CNTRL: variants seen among roughly 807,000 people sequenced by gnomAD.
CNTRL encodes the protein centriolin.
Under a neutral mutation model 303.7 loss-of-function variants are expected in CNTRL, and 233 were observed. The observed-to-expected ratio is 0.77, with a 90% CI of 0.69 to 0.86. The LOEUF (loss-of-function observed/expected upper bound fraction) is 0.86, where lower values mean the gene tolerates loss of function less well. CNTRL is among the 40% of genes least tolerant of loss of function. The pLI, the probability that CNTRL is intolerant of heterozygous loss-of-function variation, is 0.00. For synonymous variants in CNTRL, 900 were observed against 922.2 expected (o/e 0.98, Z 0.44); for missense variants, 2,524 against 2,650.6 (o/e 0.95, Z 1.05).
intron 6 of CNTRL, 61 bp from the exon 7 acceptor site, chr9:121,098,325 C>G: frequency 7.9e-7 from 1 of 1,265,060 alleles, no homozygotes; most frequent in Non-Finnish European, 1.1e-6. Context: ...TTGTAACTTC[C>G]TTTAAGTATG....
intron 7 of CNTRL, among the ~76,000 whole-genome samples, chr9:121,101,145 T>C (rs1015358837): frequency 3.3e-5 from 5 of 152,298 alleles, no homozygotes; most frequent in Admixed American, 2.0e-4. Flanking sequence ...ACCACATAGT[T>C]GGAAGTAAAG....
intron 25 of CNTRL, among the ~76,000 whole-genome samples, chr9:121,151,869 G>T (rs924655067): frequency 6.6e-6 from 1 of 152,164 alleles, no homozygotes; most frequent in African/African-American, 2.4e-5. Context: ...TAGTTTTAGA[G>T]GGTCTGTGTG....
In CNTRL at chr9:121,148,859, G is replaced by T. The variant is rs563584469; in HGVS notation, c.3647G>T (p.Arg1216Ile). 9.1e-5 allele frequency: 147 copies of T among 1,611,002 alleles called. No individual in the cohort carries two copies. Among genetic ancestry groups the T allele is most frequent in the Admixed American group, 3.3e-4 (20 of 59,870 alleles). The change falls in exon 24 of 44, where the codon AGA (arginine) becomes ATA (isoleucine). Residue 1216 changes from arginine to isoleucine, a missense_variant and splice_region_variant. Arg to Ile is a moderately conservative substitution (Grantham distance 97, BLOSUM62 -3). Transcript: ENST00000373855. ...GGGTTACATAAACTGTTTCCAAGTA[G>T]AGGTAAGTCAAATCACATAGGAAAG... The part of the protein sequence containing the change: ...RSGLHKLFPS[R>I]DADSGGDSQE...
At chr9:121,156,090 G>GA (rs971118367) in intron 27 of CNTRL, among the ~76,000 whole-genome samples, 1 of 150,176 alleles carries the variant, frequency 6.7e-6, no homozygotes, top group Non-Finnish European at 1.5e-5. Context: ...AGAACTAGAG[G>GA]AAAAAAAATC....
Position 121,150,330 on chromosome 9 carries a change from A to G in CNTRL, c.3810A>G (p.Pro1270=). The G allele has an allele frequency of 6.2e-7, 1 of 1,614,098 alleles. No individual in the cohort carries two copies. The highest frequency in any genetic ancestry group is 2.2e-5 in the East Asian group (1 of 44,872). The change falls in exon 25 of 44, where the codon CCA becomes CCG. Residue 1270 remains proline (P), a synonymous_variant. Transcript: ENST00000373855. The part of the protein sequence containing the change: ...MALYAPPPPL[P]NNSRPLTPGT... The stretch of plus-strand genomic sequence containing the variant: ...TGTATGCACCACCTCCTCCCTTGCC[A>G]AACAATAGCCGACCTCTCACCCCTG...
intron 16 of CNTRL, among the ~76,000 whole-genome samples, chr9:121,140,040 G>A (rs1588229394): frequency 6.6e-6 from 1 of 152,234 alleles, no homozygotes. Flanking sequence ...TCATTTAGTT[G>A]CAATGAACCA....
chr9:121,094,615 A>G (rs952090937), intron 4 of CNTRL, among the ~76,000 whole-genome samples: 3 of 152,156 alleles, frequency 2.0e-5, no homozygotes, highest in African/African-American at 4.8e-5. Context: ...GGTAGAGGGA[A>G]TGACAGTGAG....
chr9:121,172,217 T>TA (rs2053338693), intron 40 of CNTRL, among the ~76,000 whole-genome samples: 2 of 152,232 alleles, frequency 1.3e-5, no homozygotes, highest in South Asian at 4.1e-4. Context: ...CACAAGCCCT[T>TA]AGTGATTTTG....
chr9:121,141,120 A>G (rs547807646), intron 17 of CNTRL, among the ~76,000 whole-genome samples: 1 of 152,374 alleles, frequency 6.6e-6, no homozygotes, highest in Admixed American at 6.5e-5. Flanking sequence ...AAAAGAAAAC[A>G]TAATTATTTC....
chr9:121,101,496 G>A (rs987765923), intron 7 of CNTRL, among the ~76,000 whole-genome samples: 2 of 152,114 alleles, frequency 1.3e-5, no homozygotes, highest in Non-Finnish European at 1.5e-5. Context: ...AAGAACTAGA[G>A]AAGCAAGAGC....
intron 43 of CNTRL, among the ~76,000 whole-genome samples, chr9:121,176,038 T>C (rs2131979641): frequency 6.6e-6 from 1 of 152,352 alleles, no homozygotes; most frequent in African/African-American, 2.4e-5. Flanking sequence ...AATATACTCA[T>C]GGAACTGGTA....
chr9:121,174,023 T>C (rs1325990879), intron 42 of CNTRL, among the ~76,000 whole-genome samples: 2 of 152,142 alleles, frequency 1.3e-5, no homozygotes, highest in Non-Finnish European at 2.9e-5. Flanking sequence ...GGAGAGGAAG[T>C]AGAAACACAG....
Position 121,148,872 on chromosome 9 carries a change from T to A in CNTRL, c.3649+11T>A. On this transcript the variant is annotated intron_variant, in intron 24 of 43. Coordinates refer to ENST00000373855, the MANE Select transcript of CNTRL (RefSeq NM_007018.6). The stretch of plus-strand genomic sequence containing the variant: ...TGTTTCCAAGTAGAGGTAAGTCAAA[T>A]CACATAGGAAAGTTGCATTTCTCTT... 1 of 1,608,288 alleles carries A rather than the reference T, an allele frequency of 6.2e-7. No homozygotes were observed. Among genetic ancestry groups the A allele is most frequent in the Non-Finnish European group, 8.5e-7 (1 of 1,176,610 alleles).
At chr9:121,100,757 T>A (rs1273965472) in intron 7 of CNTRL, among the ~76,000 whole-genome samples, 1 of 152,054 alleles carries the variant, frequency 6.6e-6, no homozygotes, top group African/African-American at 2.4e-5. Context: ...AGGGGTTGCA[T>A]TCCTAGTCTC....
At chr9:121,100,625 A>G (rs562016701) in intron 7 of CNTRL, among the ~76,000 whole-genome samples, 1 of 152,352 alleles carries the variant, frequency 6.6e-6, no homozygotes, top group East Asian at 1.9e-4. Flanking sequence ...AAATTGGATA[A>G]AGAGTCAAGA....
rs774766006 is a variant in CNTRL, at chr9:121,171,559, A to G, written c.6417+11A>G. On this transcript the variant is annotated intron_variant, in intron 40 of 43. Transcript: ENST00000373855. Reference sequence around the variant, plus strand: ...GAGCTCAAGAAACAGGTGTGTGCCCAGAAAGCCCAGCTGGCCAGCCTGGGG... The same window carrying G: ...GAGCTCAAGAAACAGGTGTGTGCCCGGAAAGCCCAGCTGGCCAGCCTGGGG... The G allele has an allele frequency of 5.6e-6, 9 of 1,611,790 alleles. No individual in the cohort carries two copies. The highest frequency in any genetic ancestry group is 1.3e-5 in the African/African-American group (1 of 74,966).
chr9:121,100,819 T>G (rs1233008666), intron 7 of CNTRL, among the ~76,000 whole-genome samples: 1 of 152,176 alleles, frequency 6.6e-6, no homozygotes, highest in Non-Finnish European at 1.5e-5. Flanking sequence ...AAGAAGGCCA[T>G]TACATAATGG....
intron 27 of CNTRL, among the ~76,000 whole-genome samples, chr9:121,156,234 G>A (rs893884188): frequency 6.6e-6 from 1 of 151,980 alleles, no homozygotes; most frequent in Non-Finnish European, 1.5e-5. Flanking sequence ...ATCATCAAAA[G>A]AAAATTGATG....
chr9:121,174,731 G>A (rs1246496527), intron 42 of CNTRL, among the ~76,000 whole-genome samples: 1 of 152,074 alleles, frequency 6.6e-6, no homozygotes, highest in Admixed American at 6.6e-5. Flanking sequence ...AAAGAGATGA[G>A]GCAATAATTT....
Sources: allele counts gnomAD v4.1 joint callset (sites outside exome capture counted in the v4.1 genomes callset), GRCh38; gene constraint gnomAD v4.1.1; transcripts MANE v1.5; gene names NCBI Gene and HGNC (gene_info 2026-07-23, HGNC 2026-07-21).